Variants in PSMA1 observed in about 807,000 individuals in gnomAD.
PSMA1 encodes the protein proteasome 20S subunit alpha 1, also known as proteasome subunit alpha type-1.
In PSMA1, 3 loss-of-function variants were observed where a neutral mutation model predicts 38.4. That is an observed-to-expected ratio of 0.08 (90% CI 0.04 to 0.20). The LOEUF is 0.20. Among genes scored for constraint, PSMA1 ranks in the 10% least tolerant of loss-of-function variants. The probability of loss-of-function intolerance (pLI) is 1.00; values close to 1 mark genes in which losing one functional copy is unlikely to be tolerated. For missense variants in PSMA1, 227 were observed against 325.3 expected, an observed-to-expected ratio of 0.70 and a Z score of 2.32; for synonymous variants, 101 against 107.1, an observed-to-expected ratio of 0.94 and a Z score of 0.35.
Position 14,510,920 on chromosome 11 carries a change from C to T in PSMA1, c.576G>A (p.Leu192=). 1 of 1,607,490 alleles carries T rather than the reference C, an allele frequency of 6.2e-7. No homozygotes were observed. The highest frequency in any genetic ancestry group is 1.1e-5 in the South Asian group (1 of 89,996). Residue 192 remains leucine (L), a synonymous_variant, in exon 8 of 10, where the codon CTG becomes CTA. Coordinates refer to ENST00000396394, the MANE Select transcript of PSMA1 (RefSeq NM_002786.4). ...CNLNELVKHG[L]RALRETLPAE... ...CAGGAAGCGTCTCTCTTAAGGCACG[C>T]AGACCATGTTTAACTAGTTCATTTA...
At chr11:14,634,728 G>A (rs1853089957) in intron 1 of PSMA1, among the ~76,000 whole-genome samples, 1 of 152,180 alleles carries the variant, frequency 6.6e-6, no homozygotes, top group South Asian at 2.1e-4. Flanking sequence ...ATTTGAAACA[G>A]AATTTTGACA....
intron 2 of PSMA1, among the ~76,000 whole-genome samples, chr11:14,540,467 A>G (rs973981351): frequency 6.6e-6 from 1 of 152,260 alleles, no homozygotes; most frequent in Non-Finnish European, 1.5e-5. Flanking sequence ...GCCTAAATGC[A>G]GAAAGATCAA....
intron 2 of PSMA1, among the ~76,000 whole-genome samples, chr11:14,608,593 T>C (rs1023190055): frequency 6.8e-6 from 1 of 147,760 alleles, no homozygotes; most frequent in Non-Finnish European, 1.5e-5. Flanking sequence ...CAAAAAAAAA[T>C]TTTATATATA....
chr11:14,515,557 T>C (rs1229486074), intron 4 of PSMA1, among the ~76,000 whole-genome samples: 1 of 145,216 alleles, frequency 6.9e-6, no homozygotes, highest in African/African-American at 2.5e-5. Flanking sequence ...TTGAAATTCT[T>C]TTTTTTTTTT....
intron 1 of PSMA1, among the ~76,000 whole-genome samples, chr11:14,633,849 T>C (rs2133722595): frequency 6.6e-6 from 1 of 152,150 alleles, no homozygotes; most frequent in African/African-American, 2.4e-5. Flanking sequence ...GATGCGCCGT[T>C]TTTTAAGTCC....
intron 1 of PSMA1, among the ~76,000 whole-genome samples, chr11:14,617,695 A>ATGTGTGTGTGTGTGTG (rs1327545879): frequency 2.1e-5 from 3 of 146,214 alleles, no homozygotes; most frequent in African/African-American, 7.8e-5. Flanking sequence ...GTATATATAT[A>ATGTGTGTGTGTGTGTG]TATGTGTGTG....
At chr11:14,529,121 C>CA (rs34346829) in intron 2 of PSMA1, among the ~76,000 whole-genome samples, 3,325 of 56,702 alleles carry the variant, frequency 0.059, 103 homozygotes, top group African/African-American at 0.14. Context: ...GACCCTGTCT[C>CA]AAAAAAAAAA....
At chr11:14,561,756 A>G (rs1370429922) in intron 2 of PSMA1, among the ~76,000 whole-genome samples, 2 of 152,228 alleles carry the variant, frequency 1.3e-5, no homozygotes, top group Middle Eastern at 3.4e-3. Flanking sequence ...CCTGCACAAA[A>G]GGACAACAGC....
intron 2 of PSMA1, among the ~76,000 whole-genome samples, chr11:14,544,831 A>G (rs1851808775): frequency 6.6e-6 from 1 of 152,226 alleles, no homozygotes; most frequent in Admixed American, 6.5e-5. Flanking sequence ...TTTCTAGGTA[A>G]TAACCCAAGA....
chr11:14,617,381 G>A lies in PSMA1; in HGVS notation c.-165-6230C>T, dbSNP rs572392597. 3.9e-5 allele frequency among the ~76,000 whole-genome samples: 6 copies of A among 152,182 alleles called. No individual in the cohort carries two copies. In the East Asian group the frequency reaches 1.2e-3, roughly 29 times the overall value. ...TTGTACTATAATCATTTGCTTGTCT[G>A]TTTCTACTTCCCCCTTCCTTCCTCA... On this transcript the variant is annotated intron_variant, in intron 1 of 10. Coordinates refer to the PSMA1 transcript ENST00000418988.
chr11:14,560,141 T>G (rs1368285085), intron 2 of PSMA1, among the ~76,000 whole-genome samples: 1 of 152,210 alleles, frequency 6.6e-6, no homozygotes, highest in Non-Finnish European at 1.5e-5. Flanking sequence ...CCAATATTCC[T>G]AGTAGTTGTG....
At chr11:14,545,661 CA>C (rs1851818194) in intron 2 of PSMA1, among the ~76,000 whole-genome samples, 1 of 152,150 alleles carries the variant, frequency 6.6e-6, no homozygotes, top group Non-Finnish European at 1.5e-5. Flanking sequence ...TTTTAATTAA[CA>C]CATTAAATTA....
rs1450632655 is a variant in PSMA1, at chr11:14,613,506, G to A, written c.-165-2355C>T. The stretch of plus-strand genomic sequence containing the variant: ...TGACCTCAGGTGATCTGCCCACCTC[G>A]GCCTCCCAAAGTGCTGGGATTATAG... On this transcript the variant is annotated intron_variant, in intron 1 of 10. Transcript: ENST00000418988. Among the ~76,000 whole-genome samples the A allele has an allele frequency of 3.3e-5, 5 of 151,912 alleles. No homozygotes were observed. The South Asian group carries it at 8.3e-4, about 25-fold the overall frequency.
At position 14,616,231 on chromosome 11, in the gene PSMA1, GTTTTT is replaced by G. The variant is rs34292683; in HGVS notation, c.-165-5085_-165-5081del. ...AGGTGAGAGTTGGAGGATCCCAACAGTTTTTTTTTTTTTTTTTTTTGAGACAGAGT... is the reference window on the plus strand; with the variant it reads ...AGGTGAGAGTTGGAGGATCCCAACAGTTTTTTTTTTTTTTTGAGACAGAGT... On this transcript the variant is annotated intron_variant, in intron 1 of 10. Transcript: ENST00000418988. Among the ~76,000 whole-genome samples the G allele has an allele frequency of 3.2e-4, 40 of 126,684 alleles. 1 individual carries two copies. The Admixed American group carries it at 3.3e-3, about 11-fold the overall frequency. 83.1% of individuals were successfully genotyped at this position (126,684 alleles called of 152,430 possible).
intron 1 of PSMA1, among the ~76,000 whole-genome samples, chr11:14,626,700 T>C (rs1342854223): frequency 6.6e-6 from 1 of 152,208 alleles, no homozygotes; most frequent in Non-Finnish European, 1.5e-5. Flanking sequence ...AGTTCAAGTG[T>C]AACAGAGCAC....
intron 2 of PSMA1, among the ~76,000 whole-genome samples, chr11:14,568,266 C>T (rs550198147): frequency 2.6e-5 from 4 of 152,338 alleles, no homozygotes; most frequent in African/African-American, 9.6e-5. Context: ...TCCATCCCAC[C>T]ATGCTACCTT....
intron 1 of PSMA1, chr11:14,611,160 C>T (rs1852704095): frequency 3.3e-6 from 2 of 600,062 alleles, no homozygotes; most frequent in South Asian, 4.1e-5. Flanking sequence ...ACCTGAAAGA[C>T]AATGGAGAAG....
chr11:14,632,641 T>G (rs1853038815), intron 1 of PSMA1, among the ~76,000 whole-genome samples: 1 of 150,434 alleles, frequency 6.6e-6, no homozygotes. Context: ...GACAATTATG[T>G]GTCTTGGAGT....
chr11:14,564,203 C>T (rs536286828), intron 2 of PSMA1, among the ~76,000 whole-genome samples: 5 of 152,252 alleles, frequency 3.3e-5, no homozygotes, highest in African/African-American at 9.6e-5. Flanking sequence ...CTCCTACCCC[C>T]CCACCCCACC....
Sources: allele counts gnomAD v4.1 joint callset (sites outside exome capture counted in the v4.1 genomes callset), GRCh38; gene constraint gnomAD v4.1.1; transcripts MANE v1.5; gene names NCBI Gene and HGNC (gene_info 2026-07-23, HGNC 2026-07-21).